The following SKAP1 variants were observed in gnomAD, a reference collection of about 807,000 sequenced individuals.
SKAP1 encodes the protein src kinase associated phosphoprotein 1.
SKAP1 carries 44 observed loss-of-function variants against 58.5 expected under a neutral mutation model. That is an observed-to-expected ratio of 0.75 (90% CI 0.59 to 0.97). The LOEUF is 0.97. Ranked by LOEUF, SKAP1 falls within the 50% of genes least tolerant of loss-of-function variation. SKAP1 has a pLI of 0.00. For missense variants in SKAP1, 390 were observed against 435.2 expected, an observed-to-expected ratio of 0.90 and a Z score of 0.92; for synonymous variants, 127 against 149.7, an observed-to-expected ratio of 0.85 and a Z score of 1.11.
chr17:48,245,289 T>A (rs1046332269), intron 4 of SKAP1, among the ~76,000 whole-genome samples: 21 of 152,168 alleles, frequency 1.4e-4, no homozygotes, highest in African/African-American at 5.1e-4. Context: ...ACAATCTGAT[T>A]TTTTTTTCTT....
At chr17:48,150,140 A>G (rs1837357416) in intron 11 of SKAP1, among the ~76,000 whole-genome samples, 1 of 151,946 alleles carries the variant, frequency 6.6e-6, no homozygotes, top group South Asian at 2.1e-4. Flanking sequence ...TGTAGAAGAA[A>G]CTCTCCAAAA....
chr17:48,295,135 T>C (rs1037354581), intron 4 of SKAP1, among the ~76,000 whole-genome samples: 2 of 152,206 alleles, frequency 1.3e-5, no homozygotes, highest in Non-Finnish European at 2.9e-5. Context: ...AGCCCTCTGC[T>C]AGACTCTTAT....
chr17:48,172,496 G>C (rs1206735469), intron 9 of SKAP1, among the ~76,000 whole-genome samples: 1 of 152,154 alleles, frequency 6.6e-6, no homozygotes, highest in East Asian at 1.9e-4. Context: ...GCAAAGTGAA[G>C]AAAAATACAC....
chr17:48,223,142 C>T (rs2065025354), intron 4 of SKAP1, among the ~76,000 whole-genome samples: 1 of 150,248 alleles, frequency 6.7e-6, no homozygotes, highest in Admixed American at 6.6e-5. Context: ...AAAATGCTAC[C>T]AGATTTTAAG....
At chr17:48,405,917 T>C (rs549124322) in intron 1 of SKAP1, among the ~76,000 whole-genome samples, 3 of 152,110 alleles carry the variant, frequency 2.0e-5, no homozygotes, top group South Asian at 4.2e-4. Context: ...ATTCAAATAA[T>C]AGAATTAACA....
intron 4 of SKAP1, among the ~76,000 whole-genome samples, chr17:48,273,606 C>CG (rs769958587): frequency 4.1e-4 from 63 of 152,024 alleles, no homozygotes; most frequent in Non-Finnish European, 6.8e-4. Flanking sequence ...TTAGCAGAGG[C>CG]GGGGTCTCAC....
chr17:48,277,833 C>A (rs2065719296), intron 4 of SKAP1, among the ~76,000 whole-genome samples: 1 of 151,956 alleles, frequency 6.6e-6, no homozygotes, highest in African/African-American at 2.4e-5. Flanking sequence ...CTCAAGTGAT[C>A]CTCCCCTCAC....
intron 2 of SKAP1, among the ~76,000 whole-genome samples, chr17:48,384,915 T>C (rs189867832): frequency 6.6e-6 from 1 of 152,180 alleles, no homozygotes; most frequent in Non-Finnish European, 1.5e-5. Flanking sequence ...TGGACATGCA[T>C]GTAACTGCCT....
intron 2 of SKAP1, among the ~76,000 whole-genome samples, chr17:48,380,923 T>C (rs926376647): frequency 5.3e-5 from 8 of 152,232 alleles, no homozygotes; most frequent in African/African-American, 1.9e-4. Flanking sequence ...ATCCATAGAA[T>C]GTATTTTCCC....
chr17:48,143,969 C>T (rs1734148182), intron 11 of SKAP1, among the ~76,000 whole-genome samples: 2 of 152,218 alleles, frequency 1.3e-5, no homozygotes, highest in Admixed American at 1.3e-4. Flanking sequence ...TGAGTCTCAG[C>T]AGGGTACCTG....
intron 4 of SKAP1, among the ~76,000 whole-genome samples, chr17:48,199,937 C>T (rs979092369): frequency 1.3e-5 from 2 of 151,866 alleles, no homozygotes; most frequent in African/African-American, 2.4e-5. Flanking sequence ...TAGCCGTGCA[C>T]GTAGGGGGAT....
chr17:48,224,039 AG>A (rs2065036897), intron 4 of SKAP1, among the ~76,000 whole-genome samples: 4 of 30,022 alleles, frequency 1.3e-4, no homozygotes, highest in African/African-American at 4.2e-4. Flanking sequence ...AGAGAGAAGA[AG>A]GAGGAGGAGG....
At chr17:48,443,126 C>T in the SKAP1 span, among the ~76,000 whole-genome samples, 1 of 152,218 alleles carries the variant, frequency 6.6e-6, no homozygotes, top group Non-Finnish European at 1.5e-5. Flanking sequence ...CTAACTCCTA[C>T]TCATGCTTCA....
chr17:48,206,655 T>C (rs902798991), intron 4 of SKAP1, among the ~76,000 whole-genome samples: 2 of 152,042 alleles, frequency 1.3e-5, no homozygotes, highest in Admixed American at 6.5e-5. Flanking sequence ...ATAAAATCAA[T>C]AGGTAATGTC....
Position 48,183,568 on chromosome 17 carries a change from T to A in SKAP1, c.568-1111A>T, listed in dbSNP as rs571386390. ...GCATAATGCTTATTAATAGACATTG[T>A]TATTCTTGATTTCTTAAAAACAAAT... On this transcript the variant is annotated intron_variant, in intron 7 of 12. Coordinates refer to ENST00000336915, the MANE Select transcript of SKAP1 (RefSeq NM_003726.4). 5.9e-5 allele frequency among the ~76,000 whole-genome samples: 9 copies of A among 152,330 alleles called. No homozygotes were observed. In the South Asian group the frequency reaches 1.7e-3, roughly 28 times the overall value.
At chr17:48,167,577 G>A (rs1362745635) in intron 10 of SKAP1, among the ~76,000 whole-genome samples, 1 of 152,066 alleles carries the variant, frequency 6.6e-6, no homozygotes, top group Non-Finnish European at 1.5e-5. Flanking sequence ...CCATTTTTTG[G>A]CCCTCCTAAA....
At chr17:48,213,287 T>C (rs1341063753) in intron 4 of SKAP1, among the ~76,000 whole-genome samples, 1 of 146,102 alleles carries the variant, frequency 6.8e-6, no homozygotes, top group Non-Finnish European at 1.5e-5. Flanking sequence ...ACCACGGAGG[T>C]TGCAGTGAGC....
chr17:48,168,238 C>T (rs1040574937), intron 10 of SKAP1, among the ~76,000 whole-genome samples: 2 of 152,024 alleles, frequency 1.3e-5, no homozygotes, highest in African/African-American at 2.4e-5. Context: ...CAGGATCCAT[C>T]GAGGTTGGAG....
At chr17:48,409,769 T>C (rs920360807) in intron 1 of SKAP1, among the ~76,000 whole-genome samples, 1 of 151,382 alleles carries the variant, frequency 6.6e-6, no homozygotes, top group Non-Finnish European at 1.5e-5. Context: ...ATTTTTAGGG[T>C]AGTGAAATTA....
Sources: gnomAD v4.1 joint callset for allele counts (sites outside exome capture counted in the v4.1 genomes callset) on GRCh38, gnomAD v4.1.1 for gene constraint, MANE v1.5 for transcripts, NCBI Gene and HGNC (gene_info 2026-07-23, HGNC 2026-07-21) for gene names.